Variants in NELL2 observed in about 807,000 individuals in gnomAD.
NELL2 encodes the protein neural EGFL like 2.
NELL2 carries 41 observed loss-of-function variants against 109.6 expected under a neutral mutation model. That is an observed-to-expected ratio of 0.37 (90% confidence interval 0.29 to 0.49). The LOEUF is 0.49. Among genes scored for constraint, NELL2 ranks in the 20% least tolerant of loss-of-function variants. The pLI is 0.98. For synonymous variants in NELL2, 355 were observed against 344.7 expected, an observed-to-expected ratio of 1.03 and a Z score of -0.33; for missense variants, 900 against 1,008.3, an observed-to-expected ratio of 0.89 and a Z score of 1.45.
intron 15 of NELL2, among the ~76,000 whole-genome samples, chr12:44,566,249 A>G (rs1352909999): frequency 6.6e-6 from 1 of 152,172 alleles, no homozygotes; most frequent in African/African-American, 2.4e-5. Flanking sequence ...TTTTTAGTGT[A>G]CTGAATTATT....
Position 44,838,773 on chromosome 12 carries a change from T to C in NELL2, c.185-22637A>G, listed in dbSNP as rs10880694. Among the ~76,000 whole-genome samples the C allele has an allele frequency of 0.014, 2,066 of 152,352 alleles. 110 individuals carry two copies. In the East Asian group the frequency reaches 0.19, roughly 14 times the overall value. ...AGCTCTTCTAGCAGAACTAGAATAC[T>C]GACATTTTTATTATATTATGAGTAC... On this transcript the variant is annotated intron_variant, in intron 2 of 19. Coordinates refer to ENST00000429094, the MANE Select transcript of NELL2 (RefSeq NM_001145108.2).
At chr12:44,744,864 T>G (rs1039380873) in intron 9 of NELL2, among the ~76,000 whole-genome samples, 1 of 152,216 alleles carries the variant, frequency 6.6e-6, no homozygotes, top group African/African-American at 2.4e-5. Flanking sequence ...AGCTGAATTC[T>G]ACCAGAGATA....
chr12:44,509,459 C>G (rs908883061), intron 19 of NELL2, among the ~76,000 whole-genome samples: 2 of 152,010 alleles, frequency 1.3e-5, no homozygotes, highest in African/African-American at 4.8e-5. Context: ...ATCCTAATCC[C>G]CAGTGTGATG....
intron 13 of NELL2, among the ~76,000 whole-genome samples, chr12:44,653,505 G>A (rs1277763462): frequency 6.6e-6 from 1 of 152,124 alleles, no homozygotes; most frequent in Non-Finnish European, 1.5e-5. Context: ...TCTGGTTGTT[G>A]TTGTTAGTTG....
intron 3 of NELL2, among the ~76,000 whole-genome samples, chr12:44,799,134 AT>A: frequency 6.6e-6 from 1 of 151,462 alleles, no homozygotes; most frequent in Middle Eastern, 3.4e-3. Flanking sequence ...AATTTTTTAT[AT>A]TTTTAGTAGA....
intron 2 of NELL2, among the ~76,000 whole-genome samples, chr12:44,825,973 C>A (rs1156932763): frequency 6.6e-6 from 1 of 151,434 alleles, no homozygotes; most frequent in African/African-American, 2.4e-5. Context: ...ACCTGGGAGG[C>A]GGAGGTTGCA....
chr12:44,712,372 G>C (rs1938249909), intron 10 of NELL2, among the ~76,000 whole-genome samples: 1 of 152,022 alleles, frequency 6.6e-6, no homozygotes, highest in Non-Finnish European at 1.5e-5. Context: ...CAGGAGGCAT[G>C]TATACAGTGG....
chr12:44,859,967 G>A (rs570813314), intron 2 of NELL2, among the ~76,000 whole-genome samples: 9 of 152,294 alleles, frequency 5.9e-5, no homozygotes, highest in African/African-American at 1.9e-4. Flanking sequence ...AGCATGCTAA[G>A]TGTTGTCCCT....
chr12:44,848,821 T>C (rs1944450141), intron 2 of NELL2, among the ~76,000 whole-genome samples: 1 of 152,144 alleles, frequency 6.6e-6, no homozygotes, highest in Non-Finnish European at 1.5e-5. Flanking sequence ...TTACAATTCT[T>C]TAAGGCAAGG....
chr12:44,673,235 C>G (rs974089366), intron 12 of NELL2, among the ~76,000 whole-genome samples: 2 of 152,108 alleles, frequency 1.3e-5, no homozygotes, highest in African/African-American at 4.8e-5. Context: ...TTTACATGTA[C>G]AGATATTTAC....
At chr12:44,556,875 G>A (rs1943278342) in intron 15 of NELL2, among the ~76,000 whole-genome samples, 1 of 152,184 alleles carries the variant, frequency 6.6e-6, no homozygotes, top group African/African-American at 2.4e-5. Context: ...AAGAGTGAGT[G>A]ATTCAATGTG....
chr12:44,569,700 C>G (rs1565942720), intron 15 of NELL2, among the ~76,000 whole-genome samples: 2 of 152,094 alleles, frequency 1.3e-5, no homozygotes, highest in South Asian at 4.1e-4. Context: ...TATGAAGCAA[C>G]TGAAATACTT....
At chr12:44,665,876 A>C (rs922711030) in intron 12 of NELL2, among the ~76,000 whole-genome samples, 1 of 152,194 alleles carries the variant, frequency 6.6e-6, no homozygotes, top group Non-Finnish European at 1.5e-5. Context: ...CAGCGCATTC[A>C]TCTGCCTATG....
intron 9 of NELL2, among the ~76,000 whole-genome samples, chr12:44,774,131 A>G (rs1182104795): frequency 6.6e-6 from 1 of 152,242 alleles, no homozygotes; most frequent in South Asian, 2.1e-4. Flanking sequence ...AATTATTTCC[A>G]TTATTTATTG....
chr12:44,560,519 A>G (rs1565926794), intron 15 of NELL2, among the ~76,000 whole-genome samples: 1 of 152,222 alleles, frequency 6.6e-6, no homozygotes, highest in Non-Finnish European at 1.5e-5. Flanking sequence ...TCCCACAGAA[A>G]TACAAACTAC....
intron 9 of NELL2, among the ~76,000 whole-genome samples, chr12:44,724,713 T>C (rs915028544): frequency 1.5e-4 from 22 of 145,514 alleles, no homozygotes; most frequent in African/African-American, 5.4e-4. Context: ...GGTATTCCTA[T>C]AAAACTACCA....
At chr12:44,836,642 T>A (rs1944063451) in intron 2 of NELL2, among the ~76,000 whole-genome samples, 1 of 151,998 alleles carries the variant, frequency 6.6e-6, no homozygotes, top group African/African-American at 2.4e-5. Flanking sequence ...AGAGAGAAAG[T>A]CCTAAGGCAA....
At chr12:44,898,268 A>T (rs897384635) in intron 1 of NELL2, among the ~76,000 whole-genome samples, 1 of 152,022 alleles carries the variant, frequency 6.6e-6, no homozygotes, top group African/African-American at 2.4e-5. Context: ...GGGACAGACG[A>T]CCTCCTCAAG....
At position 44,903,113 on chromosome 12, in the gene NELL2, T is replaced by C. The variant is rs375031778; in HGVS notation, c.38+10686A>G. On this transcript the variant is annotated intron_variant, in intron 1 of 20. Coordinates refer to the NELL2 transcript ENST00000333837. ...AACTATCATCAGAGTGAACAGGCAA[T>C]CTACAGAATGGGAGAAAATTTTTGC... Among the ~76,000 whole-genome samples, 9 of 152,050 alleles carry C rather than the reference T, an allele frequency of 5.9e-5. No homozygotes were observed. In the East Asian group the frequency reaches 1.4e-3, roughly 23 times the overall value.
Sources: gnomAD v4.1 joint callset for allele counts (sites outside exome capture counted in the v4.1 genomes callset) on GRCh38, gnomAD v4.1.1 for gene constraint, MANE v1.5 for transcripts, NCBI Gene and HGNC (gene_info 2026-07-23, HGNC 2026-07-21) for gene names.